INSC: variants seen among roughly 807,000 people sequenced by gnomAD.
INSC encodes the protein INSC spindle orientation adaptor protein.
Under a neutral mutation model 58.6 loss-of-function variants are expected in INSC, and 67 were observed. The ratio of observed to expected loss-of-function variants is 1.14; its 90% CI spans 0.94 to 1.40. INSC has a LOEUF of 1.40. INSC is among the 40% of genes most tolerant of loss of function. INSC has a pLI of 0.00. For synonymous variants in INSC, 262 were observed against 276.1 expected (o/e 0.95, Z 0.51); for missense variants, 714 against 692.0 (o/e 1.03, Z -0.36).
chr11:15,177,144 C>G lies in INSC; in HGVS notation c.436C>G (p.Leu146Val), dbSNP rs758487151. The change falls in exon 4 of 13, where the codon CTC becomes GTC. Residue 146 changes from leucine (L) to valine (V), a missense_variant. By Grantham distance (32) the Leu-to-Val change is conservative. Transcript: ENST00000379556. Reference sequence around the variant, plus strand: ...GCTGCTAATGGAGAAATGCTCGGAGCTCTCGGCAGTCACAGAGAGGTAAAT... The same window carrying G: ...GCTGCTAATGGAGAAATGCTCGGAGGTCTCGGCAGTCACAGAGAGGTAAAT... ...EKLLMEKCSE[L>V]SAVTERCLQV... 6.2e-7 allele frequency: 1 copy of G among 1,614,074 alleles called. No homozygotes were observed. The highest frequency in any genetic ancestry group is 2.2e-5 in the East Asian group (1 of 44,878).
the INSC span, among the ~76,000 whole-genome samples, chr11:15,266,435 G>T: frequency 6.6e-6 from 1 of 151,942 alleles, no homozygotes; most frequent in African/African-American, 2.4e-5. Context: ...CATCTGTGAA[G>T]AATGAATTAC....
At chr11:15,149,004 A>T in intron 1 of INSC, 126 bp from the exon 2 acceptor site, 1 of 1,182,782 alleles carries the variant, frequency 8.5e-7, no homozygotes, top group South Asian at 2.4e-5. Flanking sequence ...GGTTCAACAG[A>T]AGAAGAGGGC....
At chr11:15,264,834 T>C in the INSC span, among the ~76,000 whole-genome samples, 1 of 152,102 alleles carries the variant, frequency 6.6e-6, no homozygotes, top group Admixed American at 6.6e-5. Flanking sequence ...TATTGATAGG[T>C]TCCAGGCATG....
At chr11:15,156,102 C>T (rs1209266747) in intron 2 of INSC, among the ~76,000 whole-genome samples, 1 of 152,184 alleles carries the variant, frequency 6.6e-6, no homozygotes, top group East Asian at 1.9e-4. Context: ...CACTGTATCA[C>T]TACTTACATG....
At chr11:15,241,079 T>C (rs549829044) in intron 12 of INSC, among the ~76,000 whole-genome samples, 18 of 152,108 alleles carry the variant, frequency 1.2e-4, no homozygotes, top group Non-Finnish European at 2.4e-4. Context: ...TCCTAGGAAG[T>C]CCCCACCCAA....
At chr11:15,242,175 T>C (rs1852380460) in intron 12 of INSC, among the ~76,000 whole-genome samples, 1 of 152,212 alleles carries the variant, frequency 6.6e-6, no homozygotes. Context: ...TGCCTGACAC[T>C]GAATAGGCCC....
chr11:15,135,067 A>C (rs984999626), intron 1 of INSC, among the ~76,000 whole-genome samples: 1 of 152,110 alleles, frequency 6.6e-6, no homozygotes, highest in Non-Finnish European at 1.5e-5. Context: ...ATGAGGTGAG[A>C]TTAGAGATGA....
chr11:15,201,352 G>A (rs960165947), intron 7 of INSC, among the ~76,000 whole-genome samples: 1 of 152,178 alleles, frequency 6.6e-6, no homozygotes, highest in Non-Finnish European at 1.5e-5. Flanking sequence ...GACTGGGCAA[G>A]AGCAGGGCAG....
intron 7 of INSC, among the ~76,000 whole-genome samples, chr11:15,219,468 A>G (rs538656584): frequency 8.5e-5 from 13 of 152,218 alleles, no homozygotes; most frequent in Non-Finnish European, 1.3e-4. Context: ...GGCATGCAGT[A>G]TATGTCAGGG....
chr11:15,197,174 G>A (rs1850402944), intron 6 of INSC, among the ~76,000 whole-genome samples: 2 of 152,292 alleles, frequency 1.3e-5, no homozygotes, highest in South Asian at 4.1e-4. Flanking sequence ...ACACATGAAA[G>A]CAGAGCTGGG....
chr11:15,234,208 T>G (rs1436760837), intron 9 of INSC, among the ~76,000 whole-genome samples: 1 of 152,180 alleles, frequency 6.6e-6, no homozygotes, highest in African/African-American at 2.4e-5. Context: ...ACTGTAGTCA[T>G]GCTTATCCAA....
the INSC span, among the ~76,000 whole-genome samples, chr11:15,258,320 T>C: frequency 6.6e-6 from 1 of 152,170 alleles, no homozygotes; most frequent in Non-Finnish European, 1.5e-5. Context: ...AGACTGAAGA[T>C]GCTGAGAATC....
Position 15,178,383 on chromosome 11 carries a change from C to A in INSC, c.515C>A (p.Thr172Asn), listed in dbSNP as rs1191668225. Residue 172 changes from threonine to asparagine, a missense_variant, in exon 5 of 13, where the codon ACC becomes AAC. By Grantham distance (65) the Thr-to-Asn change is moderately conservative. Coordinates refer to ENST00000379556, the MANE Select transcript of INSC (RefSeq NM_001042536.3). ...TCAATGAAGGCCTGCGTGAGTGAGA[C>A]CCTGAGCATGCTGGGCCAGCACTTT... ...LKSMKACVSE[T>N]LSMLGQHFGQ... 6.2e-7 allele frequency: 1 copy of A among 1,613,674 alleles called. No individual in the cohort carries two copies. The highest frequency in any genetic ancestry group is 1.3e-5 in the African/African-American group (1 of 74,930).
Position 15,247,040 on chromosome 11 carries a change from T to A in INSC, c.*1000T>A, listed in dbSNP as rs1046406020. 4.7e-5 allele frequency: 7 copies of A among 150,464 alleles called. No homozygotes were observed. The East Asian group carries it at 1.4e-3, about 29-fold the overall frequency. 9.3% of individuals were successfully genotyped at this position (150,464 alleles called of 1,614,324 possible). ...GCACAGCTTTCGCTTTTTTTTTTTT[T>A]AGAGAGAGCTGGTTTACCAATTTCA... On this transcript the variant is annotated 3_prime_UTR_variant, in exon 13 of 13. Coordinates refer to ENST00000379556, the MANE Select transcript of INSC (RefSeq NM_001042536.3).
chr11:15,212,144 C>T (rs1385879592), intron 7 of INSC, among the ~76,000 whole-genome samples: 3 of 152,122 alleles, frequency 2.0e-5, no homozygotes, highest in Non-Finnish European at 4.4e-5. Flanking sequence ...CTCTGTCGCC[C>T]AGGCTGGAGT....
intron 1 of INSC, among the ~76,000 whole-genome samples, chr11:15,116,668 C>G (rs1847702798): frequency 6.6e-6 from 1 of 152,138 alleles, no homozygotes; most frequent in South Asian, 2.1e-4. Flanking sequence ...TGTGCTCTTT[C>G]AGCTGGGAAG....
At chr11:15,113,143 T>TTCTTTCTCTCTCTCTC, upstream of INSC, among the ~76,000 whole-genome samples, 8 of 98,626 alleles carry the variant, frequency 8.1e-5, no homozygotes, top group South Asian at 3.6e-4. Context: ...CTTTCTTTCT[T>TTCTTTCTCTCTCTCTC]TCTGTCTCTC....
At chr11:15,151,204 C>T (rs557315507) in intron 2 of INSC, among the ~76,000 whole-genome samples, 5 of 152,196 alleles carry the variant, frequency 3.3e-5, no homozygotes, top group South Asian at 2.1e-4. Flanking sequence ...AGATCAGAGG[C>T]GGCAGTAGAT....
At chr11:15,255,604 A>G in the INSC span, among the ~76,000 whole-genome samples, 2 of 152,180 alleles carry the variant, frequency 1.3e-5, no homozygotes, top group African/African-American at 4.8e-5. Flanking sequence ...GTAGAGATCT[A>G]TTTATTTCTA....
Sources: gnomAD v4.1 joint callset for allele counts (sites outside exome capture counted in the v4.1 genomes callset) on GRCh38, gnomAD v4.1.1 for gene constraint, MANE v1.5 for transcripts, NCBI Gene and HGNC (gene_info 2026-07-23, HGNC 2026-07-21) for gene names.